CNTN5: variants seen among roughly 807,000 people sequenced by gnomAD.
CNTN5 encodes contactin-5.
CNTN5 carries 77 observed loss-of-function variants against 129.1 expected under a neutral mutation model. The ratio of observed to expected loss-of-function variants is 0.60; its 90% CI spans 0.50 to 0.72. The LOEUF (loss-of-function observed/expected upper bound fraction) is 0.72, where lower values mean the gene tolerates loss of function less well. Among genes scored for constraint, CNTN5 ranks in the 30% least tolerant of loss-of-function variants. The probability of loss-of-function intolerance (pLI) is 0.00; values close to 1 mark genes in which losing one functional copy is unlikely to be tolerated. For missense variants in CNTN5, 1,478 were observed against 1,328.8 expected (o/e 1.11, Z -1.75); for synonymous variants, 509 against 465.6 (o/e 1.09, Z -1.20).
intron 13 of CNTN5, among the ~76,000 whole-genome samples, chr11:100,096,729 G>T (rs1164562000): frequency 1.3e-5 from 2 of 152,018 alleles, no homozygotes; most frequent in Non-Finnish European, 2.9e-5. Context: ...AATCTACCTG[G>T]CATGTCACTT....
chr11:100,114,174 CA>C (rs1449696685), intron 13 of CNTN5, among the ~76,000 whole-genome samples: 4 of 152,004 alleles, frequency 2.6e-5, no homozygotes, highest in African/African-American at 7.2e-5. Flanking sequence ...TGTATGAGAT[CA>C]AAAATAGACA....
intron 2 of CNTN5, among the ~76,000 whole-genome samples, chr11:99,406,399 G>GTCTCTC (rs138667399): frequency 0.028 from 4,235 of 150,128 alleles, 186 homozygotes; most frequent in African/African-American, 0.097. Context: ...CCCAAACAGA[G>GTCTCTC]TCTCTCTCTC....
intron 1 of CNTN5, among the ~76,000 whole-genome samples, chr11:99,251,532 T>C (rs979773308): frequency 2.6e-5 from 4 of 151,880 alleles, no homozygotes; most frequent in African/African-American, 9.7e-5. Context: ...ATACAATAAA[T>C]GTAGATGGCA....
intron 7 of CNTN5, among the ~76,000 whole-genome samples, chr11:99,919,978 A>T (rs1253724859): frequency 6.6e-6 from 1 of 152,068 alleles, no homozygotes; most frequent in Admixed American, 6.6e-5. Context: ...TAATGCAATC[A>T]TACAATCTGC....
At chr11:100,070,662 C>T in intron 11 of CNTN5, 102 bp downstream of exon 11, 1 of 1,039,206 alleles carries the variant, frequency 9.6e-7, no homozygotes, top group African/African-American at 1.6e-5. Flanking sequence ...TTTCCTGTTT[C>T]TGATTCGTAT....
intron 3 of CNTN5, among the ~76,000 whole-genome samples, chr11:99,619,106 A>C (rs1033561914): frequency 2.0e-5 from 3 of 152,160 alleles, no homozygotes; most frequent in African/African-American, 7.2e-5. Context: ...AGAATGCTTT[A>C]GTTATATTAT....
chr11:99,613,715 A>T (rs1345030017), intron 3 of CNTN5, among the ~76,000 whole-genome samples: 1 of 152,232 alleles, frequency 6.6e-6, no homozygotes, highest in Non-Finnish European at 1.5e-5. Context: ...TTGACAAAAT[A>T]ATGATTCACC....
At chr11:100,192,599 G>A (rs950140625) in intron 14 of CNTN5, among the ~76,000 whole-genome samples, 1 of 151,922 alleles carries the variant, frequency 6.6e-6, no homozygotes, top group Admixed American at 6.6e-5. Flanking sequence ...AGGTATCTAT[G>A]ACCAGGAATC....
Position 99,877,061 on chromosome 11 carries a change from A to G in CNTN5, c.577+31799A>G, listed in dbSNP as rs1419733354. Among the ~76,000 whole-genome samples the G allele has an allele frequency of 3.3e-5, 5 of 152,198 alleles. No individual in the cohort carries two copies. The East Asian group carries it at 9.6e-4, about 29-fold the overall frequency. On this transcript the variant is annotated intron_variant, in intron 6 of 24. Coordinates refer to ENST00000524871, the MANE Select transcript of CNTN5 (RefSeq NM_014361.4). The stretch of plus-strand genomic sequence containing the variant: ...AGGAGTGATAATTAGATGCCATGAT[A>G]TAGATGGTTTTAAATGGAGTTGAAA...
chr11:99,505,420 G>A (rs1363757618), intron 2 of CNTN5, among the ~76,000 whole-genome samples: 2 of 152,178 alleles, frequency 1.3e-5, no homozygotes, highest in Admixed American at 6.5e-5. Context: ...GAGTTAGTAT[G>A]CAGGATAATT....
At chr11:99,428,141 C>T (rs1037913519) in intron 2 of CNTN5, among the ~76,000 whole-genome samples, 4 of 152,056 alleles carry the variant, frequency 2.6e-5, no homozygotes, top group African/African-American at 4.8e-5. Flanking sequence ...TTTTAACTTA[C>T]CAAAATTACC....
chr11:99,882,229 A>G (rs1409746445), intron 6 of CNTN5, among the ~76,000 whole-genome samples: 2 of 152,226 alleles, frequency 1.3e-5, no homozygotes, highest in Admixed American at 6.5e-5. Context: ...AGTTTTCATC[A>G]GTAAGTGATC....
At chr11:99,434,520 A>G (rs1427312868) in intron 2 of CNTN5, among the ~76,000 whole-genome samples, 2 of 152,148 alleles carry the variant, frequency 1.3e-5, no homozygotes, top group Admixed American at 6.6e-5. Context: ...TTTCTTTGCT[A>G]TGCCCAGAAG....
chr11:99,935,013 G>T lies in CNTN5; in HGVS notation c.673+18864G>T, dbSNP rs188278817. ...AATTACAAATGTTTATAGTGAAAAAGTACTAATATCTAGAAAATGGAAATA... is the reference window on the plus strand; with the variant it reads ...AATTACAAATGTTTATAGTGAAAAATTACTAATATCTAGAAAATGGAAATA... On this transcript the variant is annotated intron_variant, in intron 7 of 24. Coordinates refer to ENST00000524871, the MANE Select transcript of CNTN5 (RefSeq NM_014361.4). Among the ~76,000 whole-genome samples the T allele has an allele frequency of 9.1e-4, 133 of 146,174 alleles. 1 individual carries two copies. The highest frequency in any genetic ancestry group is 1.6e-3 in the Non-Finnish European group (106 of 66,894).
chr11:99,967,679 C>G (rs1399936431), intron 8 of CNTN5, among the ~76,000 whole-genome samples: 2 of 152,038 alleles, frequency 1.3e-5, no homozygotes, highest in East Asian at 3.9e-4. Context: ...TGAACACTCC[C>G]CATTAACCAC....
chr11:99,437,177 C>A (rs951634559), intron 2 of CNTN5, among the ~76,000 whole-genome samples: 1 of 152,142 alleles, frequency 6.6e-6, no homozygotes, highest in African/African-American at 2.4e-5. Context: ...TAGTACTTTA[C>A]GTGGCAAAGA....
chr11:99,292,239 A>T (rs1864200394), intron 1 of CNTN5, among the ~76,000 whole-genome samples: 1 of 120,126 alleles, frequency 8.3e-6, no homozygotes, highest in African/African-American at 3.2e-5. Flanking sequence ...TATATATATA[A>T]AAGCTTACAA....
chr11:99,895,480 G>T (rs1165170159), intron 6 of CNTN5, among the ~76,000 whole-genome samples: 1 of 152,190 alleles, frequency 6.6e-6, no homozygotes, highest in African/African-American at 2.4e-5. Flanking sequence ...AAAATAACAA[G>T]TGAATACTAA....
intron 23 of CNTN5, among the ~76,000 whole-genome samples, chr11:100,344,970 G>C (rs1159238607): frequency 2.0e-5 from 3 of 151,974 alleles, no homozygotes; most frequent in Admixed American, 2.0e-4. Flanking sequence ...AAATTTTAAA[G>C]CTTATATTAA....
Sources: gnomAD v4.1 joint callset for allele counts (sites outside exome capture counted in the v4.1 genomes callset) on GRCh38, gnomAD v4.1.1 for gene constraint, MANE v1.5 for transcripts, NCBI Gene and HGNC (gene_info 2026-07-23, HGNC 2026-07-21) for gene names.